The following PDE2A variants were observed in gnomAD, a reference collection of about 807,000 sequenced individuals.
PDE2A encodes phosphodiesterase 2A.
Under a neutral mutation model 133.6 loss-of-function variants are expected in PDE2A, and 53 were observed. The ratio of observed to expected loss-of-function variants is 0.40; its 90% CI spans 0.32 to 0.50. The LOEUF (loss-of-function observed/expected upper bound fraction) is 0.50, where lower values mean the gene tolerates loss of function less well. Ranked by LOEUF, PDE2A falls within the 20% of genes least tolerant of loss-of-function variation. PDE2A has a pLI of 0.73. For synonymous variants in PDE2A, 491 were observed against 490.2 expected (o/e 1.00, Z -0.02); for missense variants, 796 against 1,232.4 (o/e 0.65, Z 5.30).
intron 1 of PDE2A, among the ~76,000 whole-genome samples, chr11:72,670,987 C>T (rs1396509894): frequency 6.6e-6 from 1 of 152,164 alleles, no homozygotes; most frequent in Admixed American, 6.5e-5. Flanking sequence ...CTGTCTTCTC[C>T]CACCCAGAGG....
At chr11:72,617,281 G>T (rs68189691) in intron 2 of PDE2A, among the ~76,000 whole-genome samples, 252 of 152,232 alleles carry the variant, frequency 1.7e-3, no homozygotes, top group African/African-American at 5.8e-3. Flanking sequence ...TGCAGAGGGC[G>T]GGGAGGAAGG....
At chr11:72,629,490 G>A (rs187786844) in intron 2 of PDE2A, among the ~76,000 whole-genome samples, 3 of 152,330 alleles carry the variant, frequency 2.0e-5, no homozygotes, top group Non-Finnish European at 4.4e-5. Flanking sequence ...TCCCAGCTCT[G>A]GGGGGAGCCC....
In PDE2A at chr11:72,577,450, G is replaced by C. The variant is rs745888191; in HGVS notation, c.2760C>G (p.Tyr920Ter). 6.2e-7 allele frequency: 1 copy of C among 1,613,970 alleles called. No individual in the cohort carries two copies. Among genetic ancestry groups the C allele is most frequent in the Non-Finnish European group, 8.5e-7 (1 of 1,179,968 alleles). Residue 920 changes from tyrosine to a stop codon, truncating the protein, a stop_gained, in exon 31 of 31, where the codon TAC becomes TAG. Transcript: ENST00000334456. LOFTEE classifies it high-confidence loss of function. ...TAGTGCCATCCAGATCAGGCACCTC[G>C]TACTCCTCATCCAGGAAGTCCAGCG... ...NNSLDFLDEE[Y>*]EVPDLDGTRA... is the part of the protein sequence containing the mutation.
At chr11:72,669,625 G>A (rs1217581632) in intron 1 of PDE2A, among the ~76,000 whole-genome samples, 3 of 152,230 alleles carry the variant, frequency 2.0e-5, no homozygotes, top group African/African-American at 7.2e-5. Flanking sequence ...GGCGCTCCAA[G>A]GAGCAGACAA....
intron 1 of PDE2A, among the ~76,000 whole-genome samples, chr11:72,645,472 G>A (rs1433127641): frequency 6.6e-6 from 1 of 152,182 alleles, no homozygotes; most frequent in Non-Finnish European, 1.5e-5. Context: ...ATAGCTAGGA[G>A]TGACCCCACT....
intron 2 of PDE2A, among the ~76,000 whole-genome samples, chr11:72,609,180 A>G (rs1322443118): frequency 1.3e-5 from 2 of 152,230 alleles, no homozygotes; most frequent in Non-Finnish European, 2.9e-5. Context: ...TGGTTCAGTC[A>G]CTGAGCCTCA....
At chr11:72,653,396 G>C (rs1034619671) in intron 1 of PDE2A, among the ~76,000 whole-genome samples, 1 of 152,190 alleles carries the variant, frequency 6.6e-6, no homozygotes, top group Admixed American at 6.5e-5. Context: ...AAAAAGATAA[G>C]AGCTGGCCAG....
intron 2 of PDE2A, among the ~76,000 whole-genome samples, chr11:72,616,108 G>T (rs185771994): frequency 6.6e-6 from 1 of 152,212 alleles, no homozygotes; most frequent in African/African-American, 2.4e-5. Flanking sequence ...AGCAGGAGAG[G>T]AGGAGGACGC....
intron 2 of PDE2A, among the ~76,000 whole-genome samples, chr11:72,612,249 G>A (rs894493951): frequency 6.7e-6 from 1 of 149,342 alleles, no homozygotes; most frequent in African/African-American, 2.5e-5. Context: ...CATATACAAG[G>A]TTGCACTTAG....
In PDE2A at chr11:72,590,345, C is replaced by T. The variant is rs112137530; in HGVS notation, c.703+82G>A. On this transcript the variant is annotated intron_variant, in intron 8 of 30. Transcript: ENST00000334456. The surrounding 1 kb of genome is among the most constrained non-coding windows in gnomAD (Gnocchi z 4.8). ...CTCCGCGCCGGGCCCGCCGCCGGCT[C>T]CCGGGATCGCCTAACCCGCCCACCT... is the stretch of plus-strand genomic sequence containing the variant. 3.6e-5 allele frequency: 56 copies of T among 1,539,980 alleles called. No individual in the cohort carries two copies. Among genetic ancestry groups the T allele is most frequent in the Non-Finnish European group, 4.7e-5 (54 of 1,137,808 alleles).
At chr11:72,586,588 C>T (rs1000405640) in intron 13 of PDE2A, among the ~76,000 whole-genome samples, 2 of 152,212 alleles carry the variant, frequency 1.3e-5, no homozygotes, top group Non-Finnish European at 2.9e-5. Flanking sequence ...CCCTGGACTC[C>T]GCTGGCCCTG....
At chr11:72,631,825 C>T (rs180863049) in intron 2 of PDE2A, among the ~76,000 whole-genome samples, 1 of 152,356 alleles carries the variant, frequency 6.6e-6, no homozygotes, top group Non-Finnish European at 1.5e-5. Flanking sequence ...TCCAAACCCC[C>T]AGCCTCTCTG....
At chr11:72,588,210 G>GATAT (rs1053132574) in intron 13 of PDE2A, among the ~76,000 whole-genome samples, 19 of 152,112 alleles carry the variant, frequency 1.2e-4, no homozygotes, top group African/African-American at 4.3e-4. Flanking sequence ...TTTATGAGTT[G>GATAT]GTGTAGGATA....
At chr11:72,670,154 C>T (rs1855352480) in intron 1 of PDE2A, among the ~76,000 whole-genome samples, 1 of 152,310 alleles carries the variant, frequency 6.6e-6, no homozygotes, top group Middle Eastern at 3.4e-3. Context: ...TTCCATCTTC[C>T]TAGTGCTGTC....
rs772837996 is a variant in PDE2A, at chr11:72,654,139, TC to T, written c.72-11814del. ...GCCCTGGGATGTTTACTTCCCTCTTTCCCAATAGCAGGCCCTGTGTCGGGGC... is the reference window on the plus strand; with the variant it reads ...GCCCTGGGATGTTTACTTCCCTCTTTCCAATAGCAGGCCCTGTGTCGGGGC... On this transcript the variant is annotated intron_variant, in intron 1 of 30. Coordinates refer to ENST00000334456, the MANE Select transcript of PDE2A (RefSeq NM_002599.5). Among the ~76,000 whole-genome samples, 3 of 152,022 alleles carry T rather than the reference TC, an allele frequency of 2.0e-5. No homozygotes were observed. In the East Asian group the frequency reaches 5.8e-4, roughly 30 times the overall value.
At chr11:72,584,453 G>T (rs762597735) in intron 18 of PDE2A, 98 bp downstream of exon 18, 1 of 1,401,538 alleles carries the variant, frequency 7.1e-7, no homozygotes, top group Non-Finnish European at 9.9e-7. Context: ...TATGCTCCGG[G>T]ACGCTGGAGG....
At chr11:72,634,208 C>T (rs939377588) in intron 2 of PDE2A, among the ~76,000 whole-genome samples, 4 of 152,042 alleles carry the variant, frequency 2.6e-5, no homozygotes, top group Admixed American at 6.5e-5. Context: ...CAGGAGGGCC[C>T]GGGGAGGCAC....
At chr11:72,593,865 T>C (rs918774038) in intron 6 of PDE2A, among the ~76,000 whole-genome samples, 1 of 152,260 alleles carries the variant, frequency 6.6e-6, no homozygotes, top group African/African-American at 2.4e-5. Context: ...AGGGGTTTCC[T>C]TGCTAGCACT....
At chr11:72,623,472 A>C (rs2135400427) in intron 2 of PDE2A, among the ~76,000 whole-genome samples, 3 of 151,482 alleles carry the variant, frequency 2.0e-5, no homozygotes, top group Admixed American at 2.0e-4. Context: ...CCCTCTCTCC[A>C]TTATCCCAGC....
Sources: allele counts gnomAD v4.1 joint callset (sites outside exome capture counted in the v4.1 genomes callset), GRCh38; gene constraint gnomAD v4.1.1; non-coding constraint Gnocchi (gnomAD v3.1); transcripts MANE v1.5; gene names NCBI Gene and HGNC (gene_info 2026-07-23, HGNC 2026-07-21).